TEKT1: variants seen among roughly 807,000 people sequenced by gnomAD.
TEKT1 encodes the protein tektin-1.
TEKT1 carries 32 observed loss-of-function variants against 34.8 expected under a neutral mutation model. That is an observed-to-expected ratio of 0.92 (90% CI 0.69 to 1.23). The LOEUF (loss-of-function observed/expected upper bound fraction) is 1.23, where lower values mean the gene tolerates loss of function less well. Among genes scored for constraint, TEKT1 ranks in the 50% most tolerant of loss-of-function variants. The pLI, the probability that TEKT1 is intolerant of heterozygous loss-of-function variation, is 0.00. For synonymous variants in TEKT1, 207 were observed against 199.8 expected (o/e 1.04, Z -0.30); for missense variants, 492 against 518.5 (o/e 0.95, Z 0.50).
In TEKT1 at chr17:6,811,829, C is replaced by T. The variant is rs140147511; in HGVS notation, c.852+1002G>A. On this transcript the variant is annotated intron_variant, in intron 6 of 7. Transcript: ENST00000338694. The surrounding 1 kb of genome is among the most constrained non-coding windows in gnomAD (Gnocchi z 4.4). ...CTGCTGAAATGTGTAGCTTGAAATCCACCAATGTGGGAGTATTTGTACTAC... is the reference window on the plus strand; with the variant it reads ...CTGCTGAAATGTGTAGCTTGAAATCTACCAATGTGGGAGTATTTGTACTAC... 6.6e-6 allele frequency among the ~76,000 whole-genome samples: 1 copy of T among 152,282 alleles called. No individual in the cohort carries two copies. The highest frequency in any genetic ancestry group is 1.5e-5 in the Non-Finnish European group (1 of 68,028).
chr17:6,816,555 A>G (rs562954502), intron 3 of TEKT1, among the ~76,000 whole-genome samples: 40 of 152,332 alleles, frequency 2.6e-4, no homozygotes, highest in African/African-American at 9.4e-4. Flanking sequence ...TGCAAAGGAC[A>G]TGAACTCTTC....
intron 5 of TEKT1, among the ~76,000 whole-genome samples, chr17:6,814,365 A>G (rs1976973388): frequency 6.6e-6 from 1 of 152,252 alleles, no homozygotes; most frequent in Admixed American, 6.5e-5. Flanking sequence ...TAAAAATTAA[A>G]GTGAGTTAGG....
chr17:6,798,298 A>G lies in TEKT1; in HGVS notation c.*1729T>C, dbSNP rs910477166. ...ATCTCCCTGCAGAGCCTGGGATCTG[A>G]ATCCACCACTGAGGCTGGCTGCCTC... On this transcript the variant is annotated 3_prime_UTR_variant, in exon 8 of 8. Transcript: ENST00000338694. The G allele has an allele frequency of 6.6e-6, 1 of 152,266 alleles. No individual in the cohort carries two copies. The highest frequency in any genetic ancestry group is 6.5e-5 in the Admixed American group (1 of 15,284). 9.4% of individuals were successfully genotyped at this position (152,266 alleles called of 1,614,324 possible).
intron 6 of TEKT1, 32 bp downstream of exon 6, chr17:6,812,799 C>T (rs757582293): frequency 6.9e-6 from 11 of 1,597,124 alleles, no homozygotes; most frequent in Non-Finnish European, 7.7e-6. Flanking sequence ...CCTGAATCTG[C>T]TCTTCTTCCA....
intron 3 of TEKT1, 27 bp downstream of exon 3, chr17:6,819,166 A>G (rs374534168): frequency 3.1e-6 from 5 of 1,603,248 alleles, no homozygotes; most frequent in Non-Finnish European, 4.3e-6. Context: ...ACAACACATG[A>G]ATCATTTGAG....
In TEKT1 at chr17:6,830,300, C is replaced by T. The variant is rs750224546; in HGVS notation, c.77G>A (p.Arg26Lys). 1 of 1,613,120 alleles carries T rather than the reference C, an allele frequency of 6.2e-7. No homozygotes were observed. The highest frequency in any genetic ancestry group is 1.1e-5 in the South Asian group (1 of 90,768). Residue 26 changes from arginine to lysine, a missense_variant, in exon 2 of 8, where the codon AGA becomes AAA. By Grantham distance (26) the Arg-to-Lys change is conservative. Transcript: ENST00000338694. ...TGATCGGGACCTTTGAGCGTCTGCT[C>T]TGTGGTACTGGTTCTTGTTAGCAAT... ...WHIANKNQYH[R>K]ADAQRSRSER...
intron 3 of TEKT1, among the ~76,000 whole-genome samples, chr17:6,818,980 G>A (rs984817035): frequency 1.3e-5 from 2 of 152,106 alleles, no homozygotes; most frequent in African/African-American, 4.8e-5. Flanking sequence ...ACATATTTGA[G>A]TTGAGTTAGT....
chr17:6,802,890 G>A (rs1229623698), intron 6 of TEKT1, among the ~76,000 whole-genome samples: 1 of 152,078 alleles, frequency 6.6e-6, no homozygotes, highest in African/African-American at 2.4e-5. Context: ...CCAAGTCTTT[G>A]CTATTGTGAA....
chr17:6,807,965 T>C (rs9906847), intron 6 of TEKT1, among the ~76,000 whole-genome samples: 1,971 of 152,292 alleles, frequency 0.013, 45 homozygotes, highest in African/African-American at 0.045. Context: ...TCCAGCTGCA[T>C]GCTGGGAGAA....
Position 6,831,668 on chromosome 17 carries a change from A to T in TEKT1, c.-37T>A, listed in dbSNP as rs529561483. 1 of 152,194 alleles carries T rather than the reference A, an allele frequency of 6.6e-6. No individual in the cohort carries two copies. Among genetic ancestry groups the T allele is most frequent in the African/African-American group, 2.4e-5 (1 of 41,418 alleles). The allele number at this position is 152,194 out of a possible 1,614,324, so 9.4% of individuals were successfully genotyped here. On this transcript the variant is annotated 5_prime_UTR_variant, in exon 1 of 8. Transcript: ENST00000338694. Reference sequence around the variant, plus strand: ...ACTTACCTCAGCGCCACACAGAACCACTACGCAAGCTCGGGATGGGAGCCT... The same window carrying T: ...ACTTACCTCAGCGCCACACAGAACCTCTACGCAAGCTCGGGATGGGAGCCT...
intron 6 of TEKT1, among the ~76,000 whole-genome samples, chr17:6,808,664 T>G (rs1197374662): frequency 6.6e-6 from 1 of 152,188 alleles, no homozygotes; most frequent in Admixed American, 6.5e-5. Flanking sequence ...TTAAATAGAT[T>G]TGTCAATCTA....
chr17:6,799,237 C>A lies in TEKT1; in HGVS notation c.*790G>T, dbSNP rs1403252548. On this transcript the variant is annotated 3_prime_UTR_variant, in exon 8 of 8. Transcript: ENST00000338694. The stretch of plus-strand genomic sequence containing the variant: ...GAAAACTTGTAAAGAGGTACGTAAC[C>A]ATTAAAATAATTATAAAGACAATTT... The A allele has an allele frequency of 6.6e-6, 1 of 152,090 alleles. No individual in the cohort carries two copies. Among genetic ancestry groups the A allele is most frequent in the African/African-American group, 2.4e-5 (1 of 41,416 alleles). The allele number at this position is 152,090 out of a possible 1,614,324, so 9.4% of individuals were successfully genotyped here. A position where few individuals can be genotyped will look rare whatever the true frequency, so the allele number is the denominator to read the frequency against.
Position 6,811,042 on chromosome 17 carries a change from G to A in TEKT1, c.852+1789C>T, listed in dbSNP as rs1407159007. On this transcript the variant is annotated intron_variant, in intron 6 of 7. Transcript: ENST00000338694. This position sits in a 1 kb window ranked among gnomAD's most constrained non-coding sequence, Gnocchi z 4.4. ...CAGGCGTGAGCCACCACGCCCGGCC[G>A]TGACATCTTATTTTATTGTTTTATT... Among the ~76,000 whole-genome samples, 1 of 151,962 alleles carries A rather than the reference G, an allele frequency of 6.6e-6. No individual in the cohort carries two copies. Among genetic ancestry groups the A allele is most frequent in the Non-Finnish European group, 1.5e-5 (1 of 67,936 alleles).
intron 2 of TEKT1, among the ~76,000 whole-genome samples, chr17:6,828,032 C>T (rs1396137168): frequency 2.6e-5 from 4 of 152,002 alleles, no homozygotes; most frequent in South Asian, 2.1e-4. Flanking sequence ...GCAACCTCCA[C>T]CTCCTTGGTT....
chr17:6,809,937 G>C (rs1225277318), intron 6 of TEKT1, among the ~76,000 whole-genome samples: 1 of 152,170 alleles, frequency 6.6e-6, no homozygotes, highest in Non-Finnish European at 1.5e-5. Context: ...CATGAATAAA[G>C]CTGCTATAGA....
intron 6 of TEKT1, among the ~76,000 whole-genome samples, chr17:6,802,409 T>G (rs1976786303): frequency 6.6e-6 from 1 of 152,126 alleles, no homozygotes. Context: ...ACATAACTTT[T>G]TAAAATATTT....
intron 5 of TEKT1, among the ~76,000 whole-genome samples, chr17:6,814,059 C>A (rs1357242310): frequency 3.3e-5 from 5 of 151,760 alleles, no homozygotes; most frequent in Admixed American, 6.6e-5. Context: ...GGAACCAAGG[C>A]CCACCATCAC....
chr17:6,815,686 C>T (rs2151587193), intron 4 of TEKT1, 148 bp downstream of exon 4: 6 of 1,264,820 alleles, frequency 4.7e-6, no homozygotes, highest in African/African-American at 3.0e-5. Flanking sequence ...CAGCTCTTAC[C>T]CTGAGTGCTG....
intron 2 of TEKT1, among the ~76,000 whole-genome samples, chr17:6,822,979 G>A (rs1490638624): frequency 6.6e-6 from 1 of 152,128 alleles, no homozygotes; most frequent in Non-Finnish European, 1.5e-5. Context: ...CTTTCCTTTC[G>A]GGGCCAGTTA....
Sources: allele counts gnomAD v4.1 joint callset (sites outside exome capture counted in the v4.1 genomes callset), GRCh38; gene constraint gnomAD v4.1.1; non-coding constraint Gnocchi (gnomAD v3.1); transcripts MANE v1.5; gene names NCBI Gene and HGNC (gene_info 2026-07-23, HGNC 2026-07-21).